The following PTGER3 variants were observed in gnomAD, a reference collection of about 807,000 sequenced individuals.
The protein encoded by PTGER3 is prostaglandin E2 receptor EP3 subtype.
In PTGER3, 22 loss-of-function variants were observed where a neutral mutation model predicts 34.7. That is an observed-to-expected ratio of 0.63 (90% confidence interval 0.45 to 0.91). PTGER3 has a LOEUF of 0.91. PTGER3 is among the 40% of genes least tolerant of loss of function. The pLI is 0.00. For synonymous variants in PTGER3, 241 were observed against 230.1 expected, an observed-to-expected ratio of 1.05 and a Z score of -0.43; for missense variants, 468 against 519.4, an observed-to-expected ratio of 0.90 and a Z score of 0.96.
At chr1:70,995,884 C>A (rs1388325423) in intron 2 of PTGER3, among the ~76,000 whole-genome samples, 1 of 152,148 alleles carries the variant, frequency 6.6e-6, no homozygotes. Context: ...TAAATGATTG[C>A]ATTCCTACTG....
chr1:70,987,217 GAAGGAAA>G (rs1317732538), intron 2 of PTGER3, among the ~76,000 whole-genome samples: 1 of 152,160 alleles, frequency 6.6e-6, no homozygotes, highest in Non-Finnish European at 1.5e-5. Flanking sequence ...AGGTGACCAG[GAAGGAAA>G]TGGAAACAAT....
intron 2 of PTGER3, among the ~76,000 whole-genome samples, chr1:71,000,649 A>G (rs953170069): frequency 6.6e-6 from 1 of 152,208 alleles, no homozygotes; most frequent in Non-Finnish European, 1.5e-5. Flanking sequence ...AAAACCAGAA[A>G]AATGTTAGAC....
At position 70,935,130 on chromosome 1, in the gene PTGER3, T is replaced by C. The variant is rs74988953; in HGVS notation, c.*23+18633A>G. Among the ~76,000 whole-genome samples the C allele has an allele frequency of 4.4e-3, 665 of 152,166 alleles. 6 individuals carry two copies. Among genetic ancestry groups the C allele is most frequent in the African/African-American group, 0.015 (625 of 41,548 alleles). On this transcript the variant is annotated intron_variant, in intron 4 of 4. Transcript: ENST00000370931. The stretch of plus-strand genomic sequence containing the variant: ...CAAGTGCAAGAAAGTATCTACAGGA[T>C]TTGAGGCAAAGAATCAAATCTGTGT...
intron 3 of PTGER3, among the ~76,000 whole-genome samples, chr1:70,973,850 A>G (rs1261399775): frequency 1.3e-5 from 2 of 152,186 alleles, no homozygotes; most frequent in Non-Finnish European, 2.9e-5. Context: ...TCTGCCTTTT[A>G]GAGTACTCAT....
Position 70,970,875 on chromosome 1 carries a change from T to C in PTGER3, c.*855A>G, listed in dbSNP as rs1280985152. On this transcript the variant is annotated 3_prime_UTR_variant, in exon 4 of 4. Coordinates refer to ENST00000306666, the MANE Select transcript of PTGER3 (RefSeq NM_198719.2). ...GTAATAAAGTTTGTTATTCAACAAC[T>C]GTTATTTATTAATTTTGCCTTTGTA... is the stretch of plus-strand genomic sequence containing the variant. 9.3e-5 allele frequency: 90 copies of C among 962,696 alleles called. No individual in the cohort carries two copies. Among genetic ancestry groups the C allele is most frequent in the Non-Finnish European group, 1.1e-4 (87 of 809,426 alleles). The allele number at this position is 962,696 out of a possible 1,614,324, so 59.6% of individuals were successfully genotyped here. A position where few individuals can be genotyped will look rare whatever the true frequency, so the allele number is the denominator to read the frequency against.
chr1:70,915,662 A>G (rs1429678168), intron 4 of PTGER3, among the ~76,000 whole-genome samples: 1 of 152,018 alleles, frequency 6.6e-6, no homozygotes. Flanking sequence ...CCATTTGGCC[A>G]ATTTCAACCA....
intron 4 of PTGER3, among the ~76,000 whole-genome samples, chr1:70,881,002 C>A (rs1200998977): frequency 6.6e-6 from 1 of 152,178 alleles, no homozygotes; most frequent in African/African-American, 2.4e-5. Flanking sequence ...AATATGTTTT[C>A]CAAGTTGCTT....
Position 70,858,130 on chromosome 1 carries a change from T to A in PTGER3, c.*24-5271A>T, listed in dbSNP as rs147156430. 4.1e-3 allele frequency among the ~76,000 whole-genome samples: 623 copies of A among 152,020 alleles called. 3 individuals carry two copies. Among genetic ancestry groups the A allele is most frequent in the African/African-American group, 0.015 (604 of 41,448 alleles). On this transcript the variant is annotated intron_variant, in intron 4 of 4. Coordinates refer to the PTGER3 transcript ENST00000370931. ...GTTCACTTAATCTCTATAGTTCACA[T>A]CTCAATTGGTAAAATGGGATGATAG...
At chr1:71,008,000 A>C in intron 2 of PTGER3, 9 of 985,252 alleles carry the variant, frequency 9.1e-6, no homozygotes, top group Non-Finnish European at 1.1e-5. Context: ...GACTTACTAC[A>C]CAACAGATTC....
At chr1:71,011,305 AT>A in intron 2 of PTGER3, 2 of 985,040 alleles carry the variant, frequency 2.0e-6, no homozygotes, top group South Asian at 9.4e-5. Context: ...TATGGAAAGT[AT>A]TCATTGAGTC....
intron 4 of PTGER3, among the ~76,000 whole-genome samples, chr1:70,882,352 T>G (rs1646408166): frequency 6.6e-6 from 1 of 152,150 alleles, no homozygotes; most frequent in Non-Finnish European, 1.5e-5. Context: ...TCCACCTGGT[T>G]ATCAGTGGTG....
Position 71,038,166 on chromosome 1 carries a change from CA to C in PTGER3, c.897+8514del, listed in dbSNP as rs141313858. On this transcript the variant is annotated intron_variant, in intron 1 of 3. Coordinates refer to ENST00000306666, the MANE Select transcript of PTGER3 (RefSeq NM_198719.2). ...CTTTTTTCCAAATTTTTATGAATCACAACAGCAGCATATTCTCAACCATAGA... is the reference window on the plus strand; with the variant it reads ...CTTTTTTCCAAATTTTTATGAATCACACAGCAGCATATTCTCAACCATAGA... 3.8e-3 allele frequency among the ~76,000 whole-genome samples: 574 copies of C among 152,222 alleles called. 1 individual carries two copies. The highest frequency in any genetic ancestry group is 0.013 in the African/African-American group (552 of 41,528).
chr1:70,862,030 A>G (rs1176685876), intron 4 of PTGER3, among the ~76,000 whole-genome samples: 1 of 151,944 alleles, frequency 6.6e-6, no homozygotes, highest in Non-Finnish European at 1.5e-5. Flanking sequence ...TGAAAAGTGG[A>G]TGATTGAGAA....
chr1:70,860,850 C>T (rs1024954479), intron 4 of PTGER3, among the ~76,000 whole-genome samples: 3 of 152,102 alleles, frequency 2.0e-5, no homozygotes, highest in African/African-American at 7.2e-5. Context: ...TTAAACCTGC[C>T]TTTATGGAAA....
intron 1 of PTGER3, among the ~76,000 whole-genome samples, chr1:71,018,534 C>A (rs1294674734): frequency 6.6e-6 from 1 of 152,000 alleles, no homozygotes; most frequent in Non-Finnish European, 1.5e-5. Context: ...AGTCCTTTAC[C>A]CCACCCAATA....
intron 1 of PTGER3, among the ~76,000 whole-genome samples, chr1:71,018,594 C>A (rs938347278): frequency 2.3e-4 from 35 of 152,012 alleles, no homozygotes; most frequent in Admixed American, 2.3e-3. Flanking sequence ...TTCTGGGCCT[C>A]GTCTAGAATT....
At chr1:70,974,500 T>C (rs927976526) in intron 2 of PTGER3, 112 bp from the exon 3 acceptor site, 12 of 642,332 alleles carry the variant, frequency 1.9e-5, no homozygotes, top group Admixed American at 5.0e-5. Context: ...ATGGATGTTT[T>C]AGATATTACC....
chr1:70,867,690 A>C (rs1242301868), intron 4 of PTGER3, among the ~76,000 whole-genome samples: 1 of 151,962 alleles, frequency 6.6e-6, no homozygotes, highest in African/African-American at 2.4e-5. Flanking sequence ...GTGCCATTGC[A>C]CTCCAGCCTG....
intron 1 of PTGER3, among the ~76,000 whole-genome samples, chr1:71,036,838 C>CAA (rs5775047): frequency 0.011 from 1,547 of 142,124 alleles, 31 homozygotes; most frequent in African/African-American, 0.038. Context: ...GACTTTGTCT[C>CAA]AAAAAAAAAA....
Sources: allele counts gnomAD v4.1 joint callset (sites outside exome capture counted in the v4.1 genomes callset), GRCh38; gene constraint gnomAD v4.1.1; transcripts MANE v1.5; gene names NCBI Gene and HGNC (gene_info 2026-07-23, HGNC 2026-07-21).